The following LRRC2 variants were observed in gnomAD, a reference collection of about 807,000 sequenced individuals.
The protein encoded by LRRC2 is leucine-rich repeat-containing protein 2.
Under a neutral mutation model 40.2 loss-of-function variants are expected in LRRC2, and 27 were observed. The observed-to-expected ratio is 0.67, with a 90% CI of 0.49 to 0.93. The LOEUF is 0.93. LRRC2 is among the 40% of genes least tolerant of loss of function. LRRC2 has a pLI of 0.00. For missense variants in LRRC2, 402 were observed against 439.6 expected (o/e 0.91, Z 0.76); for synonymous variants, 147 against 158.9 (o/e 0.92, Z 0.56).
intron 4 of LRRC2, among the ~76,000 whole-genome samples, chr3:46,534,423 C>CTTTCTTT (rs1559412272): frequency 0.031 from 3,175 of 101,018 alleles, 54 homozygotes; most frequent in South Asian, 0.059. Flanking sequence ...TTCCTTCCTT[C>CTTTCTTT]CTTTCTTTCT....
At chr3:46,550,863 C>T (rs1381655222) in intron 2 of LRRC2, among the ~76,000 whole-genome samples, 1 of 152,180 alleles carries the variant, frequency 6.6e-6, no homozygotes, top group Non-Finnish European at 1.5e-5. Flanking sequence ...CTGGTTTCTC[C>T]ACAGGGAATA....
intron 1 of LRRC2, among the ~76,000 whole-genome samples, chr3:46,563,374 C>T (rs1053253230): frequency 6.6e-6 from 1 of 152,122 alleles, no homozygotes; most frequent in Admixed American, 6.5e-5. Flanking sequence ...GCAGTGAGCC[C>T]CTGGCATGGT....
intron 5 of LRRC2, among the ~76,000 whole-genome samples, chr3:46,531,730 C>T (rs1233398694): frequency 2.0e-5 from 3 of 152,118 alleles, no homozygotes; most frequent in African/African-American, 7.2e-5. Context: ...CTGTGCATCT[C>T]CTAGGGTGGA....
intron 8 of LRRC2, 88 bp from the exon 9 acceptor site, chr3:46,519,151 T>C: frequency 2.3e-6 from 2 of 862,152 alleles, no homozygotes; most frequent in Admixed American, 3.4e-5. Context: ...AATGAATGTA[T>C]GTCAATACAC....
intron 2 of LRRC2, among the ~76,000 whole-genome samples, chr3:46,547,341 G>T (rs893604617): frequency 6.6e-6 from 1 of 152,058 alleles, no homozygotes; most frequent in African/African-American, 2.4e-5. Flanking sequence ...AGGGCTTCAG[G>T]ATCTACATAT....
chr3:46,533,878 C>T (rs1005239063), intron 4 of LRRC2, among the ~76,000 whole-genome samples: 1 of 133,718 alleles, frequency 7.5e-6, no homozygotes, highest in South Asian at 2.5e-4. Context: ...CTTTCCCTTC[C>T]TTTCTTCCTT....
intron 7 of LRRC2, among the ~76,000 whole-genome samples, chr3:46,524,192 TC>T (rs1704015498): frequency 6.6e-6 from 1 of 152,194 alleles, no homozygotes. Flanking sequence ...ATTTGGCTGG[TC>T]CCCTGAGTAT....
At position 46,551,562 on chromosome 3, in the gene LRRC2, A is replaced by G. The variant is rs771058769; in HGVS notation, c.30T>C (p.Ile10=). The change falls in exon 2 of 9, where the codon ATT becomes ATC. Residue 10 remains isoleucine (I), a synonymous_variant. Coordinates refer to ENST00000395905, the MANE Select transcript of LRRC2 (RefSeq NM_024512.5). MGHKVVVFD[I]SVIRALWETR... is the part of the protein sequence containing the mutation. ...TTTCCCACAAGGCTCTGATGACAGA[A>G]ATGTCGAAGACAACCACTTTATGTC... 6.2e-7 allele frequency: 1 copy of G among 1,613,856 alleles called. No individual in the cohort carries two copies. Among genetic ancestry groups the G allele is most frequent in the South Asian group, 1.1e-5 (1 of 90,912 alleles).
intron 3 of LRRC2, among the ~76,000 whole-genome samples, chr3:46,540,048 T>C (rs1368224210): frequency 6.6e-6 from 1 of 152,106 alleles, no homozygotes; most frequent in Non-Finnish European, 1.5e-5. Context: ...GGATGAGGTG[T>C]GGAAAACTCC....
chr3:46,547,509 A>G (rs951223637), intron 2 of LRRC2, among the ~76,000 whole-genome samples: 1 of 151,068 alleles, frequency 6.6e-6, no homozygotes, highest in Non-Finnish European at 1.5e-5. Context: ...AAAAAAAAGA[A>G]AGCGGGGCTG....
At chr3:46,546,778 G>A (rs951355616) in intron 2 of LRRC2, among the ~76,000 whole-genome samples, 12 of 139,968 alleles carry the variant, frequency 8.6e-5, no homozygotes, top group African/African-American at 3.2e-4. Flanking sequence ...GAGTGCAATG[G>A]CACAGTCTCA....
intron 2 of LRRC2, among the ~76,000 whole-genome samples, chr3:46,545,487 C>A (rs1704505538): frequency 6.6e-6 from 1 of 152,210 alleles, no homozygotes; most frequent in Admixed American, 6.5e-5. Context: ...GATGGAATTT[C>A]TGGCTATGCG....
At chr3:46,553,222 T>C (rs1419046604) in intron 1 of LRRC2, among the ~76,000 whole-genome samples, 1 of 151,878 alleles carries the variant, frequency 6.6e-6, no homozygotes, top group Non-Finnish European at 1.5e-5. Context: ...TACCTTTCAG[T>C]GTACATTCCA....
chr3:46,551,697 T>G, intron 1 of LRRC2, 87 bp from the exon 2 acceptor site: 20 of 739,526 alleles, frequency 2.7e-5, no homozygotes, highest in Non-Finnish European at 3.1e-5. Flanking sequence ...TATGAATGAA[T>G]CACTTGGCTT....
At chr3:46,539,294 G>A (rs777988918) in intron 3 of LRRC2, 93 bp from the exon 4 acceptor site, 5 of 1,246,406 alleles carry the variant, frequency 4.0e-6, no homozygotes, top group Non-Finnish European at 5.7e-6. Flanking sequence ...CAGGAAGTGA[G>A]AAAGCAGACA....
chr3:46,564,619 C>A (rs1705018934), intron 1 of LRRC2, among the ~76,000 whole-genome samples: 1 of 152,018 alleles, frequency 6.6e-6, no homozygotes, highest in African/African-American at 2.4e-5. Flanking sequence ...TCTTGGCACT[C>A]CCACTGGGAG....
intron 1 of LRRC2, chr3:46,559,335 C>T (rs1354560579): frequency 1.3e-5 from 2 of 152,060 alleles, no homozygotes; most frequent in African/African-American, 4.8e-5. Flanking sequence ...GCACAGATCC[C>T]AAGTCTACAC....
Position 46,539,100 on chromosome 3 carries a change from C to T in LRRC2, c.435G>A (p.Ala145=), listed in dbSNP as rs771477297. The change falls in exon 4 of 9, where the codon GCG becomes GCA. Residue 145 remains alanine (A), a synonymous_variant. Transcript: ENST00000395905. ...TTTTTGGCAGATCCAGAATTCTCAT[C>T]GCTTGAAATAACTGAATATATGTAG... ...IIPTYIQLFQ[A]MRILDLPKNQ... The T allele has an allele frequency of 2.3e-5, 37 of 1,613,850 alleles. No homozygotes were observed. In the African/African-American group the frequency reaches 4.0e-4, roughly 17 times the overall value.
Position 46,546,841 on chromosome 3 carries a change from C to G in LRRC2, c.126-1588G>C, listed in dbSNP as rs1192600353. ...TCAAGCGATTCTCCTGCCTCAGCCT[C>G]CCCAGTAGCTGGGATTACAGATGCC... On this transcript the variant is annotated intron_variant, in intron 2 of 8. Transcript: ENST00000395905. Among the ~76,000 whole-genome samples the G allele has an allele frequency of 2.0e-5, 3 of 151,894 alleles. No individual in the cohort carries two copies. In the East Asian group the frequency reaches 5.8e-4, roughly 30 times the overall value.
Sources: gnomAD v4.1 joint callset for allele counts (sites outside exome capture counted in the v4.1 genomes callset) on GRCh38, gnomAD v4.1.1 for gene constraint, MANE v1.5 for transcripts, NCBI Gene and HGNC (gene_info 2026-07-23, HGNC 2026-07-21) for gene names.